ZDHHC6: variants seen among roughly 807,000 people sequenced by gnomAD.
ZDHHC6 encodes the protein palmitoyltransferase ZDHHC6.
A neutral mutation model predicts 57.8 loss-of-function variants in ZDHHC6; 32 were observed. That is an observed-to-expected ratio of 0.55 (90% CI 0.42 to 0.74). ZDHHC6 has a LOEUF of 0.74. Ranked by LOEUF, ZDHHC6 falls within the 30% of genes least tolerant of loss-of-function variation. The pLI is 0.00. For synonymous variants in ZDHHC6, 128 were observed against 158.0 expected (o/e 0.81, Z 1.42); for missense variants, 433 against 500.7 (o/e 0.86, Z 1.29).
chr10:112,433,232 G>C lies in ZDHHC6; in HGVS notation c.945+8C>G, dbSNP rs772707200. 5 of 1,580,878 alleles carry C rather than the reference G, an allele frequency of 3.2e-6. No individual in the cohort carries two copies. The South Asian group carries it at 5.9e-5, about 19-fold the overall frequency. On this transcript the variant is annotated splice_region_variant and intron_variant, in intron 8 of 10. Transcript: ENST00000369405. ...AAAAAAAATTACCACTGCAAAAGAA[G>C]TACTTACACTTCTGACTCTCTTATC...
downstream of ZDHHC6, chr10:112,428,542 C>T (rs570092501): frequency 1.3e-5 from 5 of 392,872 alleles, no homozygotes; most frequent in Admixed American, 4.4e-5. Flanking sequence ...GAGGCCGAGG[C>T]GGACGGATCA....
rs1364524752 is a variant in ZDHHC6, at chr10:112,440,489, C to A, written c.681+45G>T. ...TTTGTCTCTTTCTTGTGCAATCAGT[C>A]CCAACAACTTGACACTTTTGACTTG... On this transcript the variant is annotated intron_variant, in intron 5 of 10. Coordinates refer to ENST00000369405, the MANE Select transcript of ZDHHC6 (RefSeq NM_022494.3). 6 of 1,576,174 alleles carry A rather than the reference C, an allele frequency of 3.8e-6. No homozygotes were observed. The African/African-American group carries it at 8.1e-5, about 21-fold the overall frequency.
downstream of ZDHHC6, chr10:112,428,197 G>A (rs1408411962): frequency 5.5e-6 from 2 of 364,376 alleles, no homozygotes; most frequent in Non-Finnish European, 9.8e-6. Flanking sequence ...AAAACCTCCT[G>A]AACTGGGAAC....
At chr10:112,438,262 T>C in intron 6 of ZDHHC6, 74 bp downstream of exon 6, 1 of 1,045,904 alleles carries the variant, frequency 9.6e-7, no homozygotes. Context: ...ACAGACTTTA[T>C]TAATATTCAG....
intron 10 of ZDHHC6, among the ~76,000 whole-genome samples, chr10:112,431,243 T>C (rs774299469): frequency 2.6e-5 from 4 of 152,196 alleles, no homozygotes; most frequent in African/African-American, 4.8e-5. Context: ...CATCACACTG[T>C]CTTTTCCAGG....
intron 6 of ZDHHC6, among the ~76,000 whole-genome samples, chr10:112,437,563 G>A (rs903787576): frequency 2.0e-5 from 3 of 152,076 alleles, no homozygotes; most frequent in Admixed American, 1.3e-4. Context: ...TACTTCAATC[G>A]AAGCAACATA....
rs1564764825 is a variant in ZDHHC6, at chr10:112,440,700, C to T, written c.520-5G>A. 5.0e-6 allele frequency: 8 copies of T among 1,609,356 alleles called. No homozygotes were observed. Among genetic ancestry groups the T allele is most frequent in the Middle Eastern group, 1.7e-4 (1 of 6,060 alleles). ...TGTGTTCCACCCAAAGGAGAGCTAT[C>T]GCAGCAACAATAGCACACGCACAAA... On this transcript the variant is annotated splice_polypyrimidine_tract_variant and splice_region_variant and intron_variant, in intron 4 of 10. Transcript: ENST00000369405.
rs946885255 is a variant in ZDHHC6, at chr10:112,430,684, G to C, written c.*120C>G. 9.4e-6 allele frequency: 7 copies of C among 748,440 alleles called. No individual in the cohort carries two copies. The Admixed American group carries it at 2.0e-4, about 22-fold the overall frequency. 46.4% of individuals were successfully genotyped at this position (748,440 alleles called of 1,614,324 possible). ...TAAAAATATTTAAATCATGGCACTA[G>C]GGCACCTTTGAGGAAAAGAACATCT... On this transcript the variant is annotated 3_prime_UTR_variant, in exon 11 of 11. Transcript: ENST00000369405.
chr10:112,444,660 A>G (rs1442719006), intron 2 of ZDHHC6, among the ~76,000 whole-genome samples: 1 of 152,226 alleles, frequency 6.6e-6, no homozygotes, highest in African/African-American at 2.4e-5. Context: ...CTTAGCAGGA[A>G]ACATGGACAT....
downstream of ZDHHC6, chr10:112,426,346 T>C: frequency 6.2e-7 from 1 of 1,614,096 alleles, no homozygotes; most frequent in South Asian, 1.1e-5. Flanking sequence ...TTTGAGGAAC[T>C]GTGCCAAAAC....
At chr10:112,442,056 A>G in intron 4 of ZDHHC6, 136 bp downstream of exon 4, 1 of 1,027,116 alleles carries the variant, frequency 9.7e-7, no homozygotes, top group South Asian at 2.0e-5. Flanking sequence ...GAACCCATAT[A>G]CCAGTAAAAC....
At chr10:112,426,660 G>C, downstream of ZDHHC6, 1 of 795,294 alleles carries the variant, frequency 1.3e-6, no homozygotes, top group South Asian at 1.7e-5. Flanking sequence ...CATATAATGT[G>C]CTTGTGCATA....
intron 2 of ZDHHC6, among the ~76,000 whole-genome samples, chr10:112,443,991 C>T (rs1429787395): frequency 6.6e-6 from 1 of 152,188 alleles, no homozygotes; most frequent in East Asian, 1.9e-4. Flanking sequence ...CTTGACATTA[C>T]CCGTCACCAC....
chr10:112,445,414 A>C lies in ZDHHC6; in HGVS notation c.23T>G (p.Ile8Ser). The change falls in exon 2 of 11, where the codon ATC (isoleucine) becomes AGC (serine). Residue 8 changes from isoleucine (I) to serine (S), a missense_variant. Ile to Ser is a moderately radical substitution (Grantham distance 142). Transcript: ENST00000369405. Reference protein sequence around the residue: MGTFCSVIKFENLQELKR... With the variant: MGTFCSVSKFENLQELKR... ...TAATTCTTGTAGATTTTCAAACTTG[A>C]TAACCGAACAGAATGTACCCATTTT... is the stretch of plus-strand genomic sequence containing the variant. The C allele has an allele frequency of 6.2e-7, 1 of 1,614,182 alleles. No individual in the cohort carries two copies. The highest frequency in any genetic ancestry group is 8.5e-7 in the Non-Finnish European group (1 of 1,180,028).
chr10:112,425,391 A>G (rs1224977324), downstream of ZDHHC6: 1 of 1,613,680 alleles, frequency 6.2e-7, no homozygotes, highest in Non-Finnish European at 8.5e-7. Context: ...AGCTGGCCCA[A>G]GGAGAATACA....
chr10:112,445,502 T>G lies in ZDHHC6; in HGVS notation c.-66A>C, dbSNP rs1400648441. 41 of 1,520,340 alleles carry G rather than the reference T, an allele frequency of 2.7e-5. No homozygotes were observed. The highest frequency in any genetic ancestry group is 3.5e-5 in the Non-Finnish European group (39 of 1,117,288). The allele number at this position is 1,520,340 out of a possible 1,614,324, so 94.2% of individuals were successfully genotyped here. A position where few individuals can be genotyped will look rare whatever the true frequency, so the allele number is the denominator to read the frequency against. Reference sequence around the variant, plus strand: ...AGATTTCCTTTTTCTGTGCGCACATTTCCATGTGCCACAAGTCCATGTGTG... The same window carrying G: ...AGATTTCCTTTTTCTGTGCGCACATGTCCATGTGCCACAAGTCCATGTGTG... On this transcript the variant is annotated 5_prime_UTR_variant, in exon 2 of 11. Transcript: ENST00000369405.
At chr10:112,432,599 A>C (rs1845147998) in intron 8 of ZDHHC6, 78 bp from the exon 9 acceptor site, 1 of 1,527,358 alleles carries the variant, frequency 6.5e-7, no homozygotes, top group Admixed American at 2.1e-5. Flanking sequence ...TCAAATTTTA[A>C]AGCAAGATCC....
Position 112,445,168 on chromosome 10 carries a change from A to C in ZDHHC6, c.267+2T>G. 6.2e-7 allele frequency: 1 copy of C among 1,609,752 alleles called. No homozygotes were observed. Among genetic ancestry groups the C allele is most frequent in the South Asian group, 1.1e-5 (1 of 90,940 alleles). Reference sequence around the variant, plus strand: ...TTCATTGTCTTACAGAATCTTTCTTACCGGTTTCCACCCCAGAGGGACAAA... The same window carrying C: ...TTCATTGTCTTACAGAATCTTTCTTCCCGGTTTCCACCCCAGAGGGACAAA... On this transcript the variant is annotated splice_donor_variant, in intron 2 of 10. Coordinates refer to ENST00000369405, the MANE Select transcript of ZDHHC6 (RefSeq NM_022494.3). LOFTEE classifies it high-confidence loss of function.
At chr10:112,426,418 TG>T, downstream of ZDHHC6, 1 of 1,418,816 alleles carries the variant, frequency 7.0e-7, no homozygotes, top group Non-Finnish European at 9.9e-7. Flanking sequence ...GAGGAGAGGA[TG>T]CCTCACCAGT....
Sources: gnomAD v4.1 joint callset for allele counts (sites outside exome capture counted in the v4.1 genomes callset) on GRCh38, gnomAD v4.1.1 for gene constraint, MANE v1.5 for transcripts, NCBI Gene and HGNC (gene_info 2026-07-23, HGNC 2026-07-21) for gene names.